CAB39L: variants seen among roughly 807,000 people sequenced by gnomAD.
CAB39L encodes calcium-binding protein 39-like.
A neutral mutation model predicts 39.1 loss-of-function variants in CAB39L; 23 were observed. That is an observed-to-expected ratio of 0.59 (90% CI 0.42 to 0.83). The LOEUF (loss-of-function observed/expected upper bound fraction) is 0.83. Ranked by LOEUF, CAB39L falls within the 40% of genes least tolerant of loss-of-function variation. The pLI is 0.00. For missense variants in CAB39L, 366 were observed against 391.9 expected, an observed-to-expected ratio of 0.93 and a Z score of 0.56; for synonymous variants, 126 against 137.2, an observed-to-expected ratio of 0.92 and a Z score of 0.57.
At chr13:49,403,962 G>A (rs1956824551) in intron 3 of CAB39L, among the ~76,000 whole-genome samples, 3 of 152,072 alleles carry the variant, frequency 2.0e-5, no homozygotes, top group Admixed American at 1.3e-4. Context: ...TGAACTATGG[G>A]GAAACTTAAA....
At chr13:49,426,097 C>T (rs932860794) in intron 3 of CAB39L, among the ~76,000 whole-genome samples, 5 of 152,314 alleles carry the variant, frequency 3.3e-5, no homozygotes, top group South Asian at 2.1e-4. Context: ...ACAAAAGCCA[C>T]ACGCACAAAT....
In CAB39L at chr13:49,353,255, T is replaced by C. The variant is rs138437278; in HGVS notation, c.396-2343A>G. 4.6e-3 allele frequency among the ~76,000 whole-genome samples: 708 copies of C among 152,276 alleles called. 13 individuals are homozygous for C. The highest frequency in any genetic ancestry group is 0.017 in the African/African-American group (689 of 41,554). ...CCTATTGGCTCACAAGGAACAGTTG[T>C]CAGGTGGGGTTTTATTAAAGATGTT... On this transcript the variant is annotated intron_variant, in intron 6 of 10. Transcript: ENST00000409308.
rs369518522 is a variant in CAB39L at position 49,340,805 on chromosome 13, G to A, written c.625-1063C>T. On this transcript the variant is annotated intron_variant, in intron 8 of 10. Coordinates refer to ENST00000409308, the MANE Select transcript of CAB39L (RefSeq NM_001079670.3). ...ATGTGCTCCAGTTTCATGGCATACT[G>A]CTAAAGAAATATCAGCTGAAAGAGT... is the stretch of plus-strand genomic sequence containing the variant. Among the ~76,000 whole-genome samples, 32 of 152,320 alleles carry A rather than the reference G, an allele frequency of 2.1e-4. 1 individual carries two copies. In the East Asian group the frequency reaches 4.6e-3, roughly 22 times the overall value.
At chr13:49,337,691 C>A (rs979648625) in intron 9 of CAB39L, among the ~76,000 whole-genome samples, 1 of 149,606 alleles carries the variant, frequency 6.7e-6, no homozygotes, top group African/African-American at 2.5e-5. Flanking sequence ...GTTTAAAGAT[C>A]AACTCATCAA....
At chr13:49,369,045 A>G (rs2138535249) in intron 5 of CAB39L, among the ~76,000 whole-genome samples, 1 of 152,340 alleles carries the variant, frequency 6.6e-6, no homozygotes, top group East Asian at 1.9e-4. Context: ...TCATAAAAGA[A>G]GAGATATGGT....
At chr13:49,427,170 T>C (rs555673080) in intron 3 of CAB39L, among the ~76,000 whole-genome samples, 8 of 152,320 alleles carry the variant, frequency 5.3e-5, no homozygotes, top group Admixed American at 3.3e-4. Flanking sequence ...GGTGACAGTG[T>C]TGCATTATAA....
intron 3 of CAB39L, among the ~76,000 whole-genome samples, chr13:49,426,860 G>GT (rs1249564825): frequency 1.3e-5 from 2 of 152,172 alleles, no homozygotes; most frequent in Non-Finnish European, 2.9e-5. Flanking sequence ...TTGTTCATCT[G>GT]TTTTTTGCTG....
chr13:49,425,931 C>G (rs539806300), intron 3 of CAB39L, among the ~76,000 whole-genome samples: 6 of 152,264 alleles, frequency 3.9e-5, no homozygotes, highest in African/African-American at 1.2e-4. Flanking sequence ...GTTTTCTCAT[C>G]ATGCTTCCTA....
chr13:49,377,966 G>A (rs1402558373), intron 4 of CAB39L, among the ~76,000 whole-genome samples: 2 of 76,926 alleles, frequency 2.6e-5, no homozygotes, highest in East Asian at 2.3e-4. Flanking sequence ...CTGCCCGGCC[G>A]CCCATCGTCT....
chr13:49,421,068 C>G (rs1957164665), intron 3 of CAB39L, among the ~76,000 whole-genome samples: 1 of 152,122 alleles, frequency 6.6e-6, no homozygotes, highest in Non-Finnish European at 1.5e-5. Flanking sequence ...GGCTAGGGAC[C>G]TCAGGACCCA....
At chr13:49,389,053 T>C (rs1286693707) in intron 3 of CAB39L, among the ~76,000 whole-genome samples, 1 of 151,764 alleles carries the variant, frequency 6.6e-6, no homozygotes, top group Non-Finnish European at 1.5e-5. Flanking sequence ...CCAATCAAAA[T>C]AAAAAAGAAG....
chr13:49,396,636 A>G (rs1357915513), intron 3 of CAB39L, among the ~76,000 whole-genome samples: 2 of 152,154 alleles, frequency 1.3e-5, no homozygotes, highest in Non-Finnish European at 2.9e-5. Context: ...TGAACCCAGA[A>G]GGCGGAGGTT....
chr13:49,366,713 T>C (rs890187976), intron 5 of CAB39L, among the ~76,000 whole-genome samples: 2 of 146,716 alleles, frequency 1.4e-5, no homozygotes, highest in African/African-American at 2.5e-5. Context: ...AAAAACTTAA[T>C]AGTATGAAAA....
chr13:49,325,605 A>G (rs1260122521), intron 10 of CAB39L, among the ~76,000 whole-genome samples: 2 of 152,124 alleles, frequency 1.3e-5, no homozygotes, highest in African/African-American at 4.8e-5. Context: ...CCGGGCCAAC[A>G]TGGCAAAACC....
chr13:49,324,145 C>G (rs1954432782), intron 10 of CAB39L, among the ~76,000 whole-genome samples: 2 of 151,590 alleles, frequency 1.3e-5, no homozygotes. Flanking sequence ...AACCCCATCT[C>G]TACTAAAAAT....
At chr13:49,396,110 T>TAAAAAAAAAAAAA (rs1956618626) in intron 3 of CAB39L, among the ~76,000 whole-genome samples, 2 of 85,238 alleles carry the variant, frequency 2.3e-5, no homozygotes, top group South Asian at 3.8e-4. Flanking sequence ...AAAAAAAAAC[T>TAAAAAAAAAAAAA]TAAAAAAATA....
At chr13:49,319,261 T>TAA (rs1267192718) in intron 10 of CAB39L, among the ~76,000 whole-genome samples, 1 of 151,696 alleles carries the variant, frequency 6.6e-6, no homozygotes, top group Non-Finnish European at 1.5e-5. Context: ...TAAAACAAAA[T>TAA]AAAAAAAGAA....
At chr13:49,356,559 T>C (rs1955491120) in intron 6 of CAB39L, among the ~76,000 whole-genome samples, 1 of 152,222 alleles carries the variant, frequency 6.6e-6, no homozygotes. Context: ...GATACACAAG[T>C]ATCAATTGCT....
chr13:49,442,787 CAA>C (rs71078844), intron 1 of CAB39L, among the ~76,000 whole-genome samples: 67,390 of 105,230 alleles, frequency 0.64, 19,912 homozygotes, highest in Middle Eastern at 0.77. Context: ...GACTCCATCT[CAA>C]AAAAAAAAAA....
Sources: allele counts gnomAD v4.1 joint callset (sites outside exome capture counted in the v4.1 genomes callset), GRCh38; gene constraint gnomAD v4.1.1; transcripts MANE v1.5; gene names NCBI Gene and HGNC (gene_info 2026-07-23, HGNC 2026-07-21).